The following OSBP2 variants were observed in gnomAD, a reference collection of about 807,000 sequenced individuals.
OSBP2 encodes oxysterol-binding protein 2.
In OSBP2, 66 loss-of-function variants were observed where a neutral mutation model predicts 96.0. The observed-to-expected ratio is 0.69, with a 90% CI of 0.56 to 0.84. The LOEUF (loss-of-function observed/expected upper bound fraction) is 0.84. Among genes scored for constraint, OSBP2 ranks in the 40% least tolerant of loss-of-function variants. The pLI, the probability that OSBP2 is intolerant of heterozygous loss-of-function variation, is 0.00. For synonymous variants in OSBP2, 525 were observed against 520.9 expected (o/e 1.01, Z -0.11); for missense variants, 1,038 against 1,222.7 (o/e 0.85, Z 2.25).
At chr22:30,824,750 C>G (rs554946197) in intron 2 of OSBP2, among the ~76,000 whole-genome samples, 1 of 152,300 alleles carries the variant, frequency 6.6e-6, no homozygotes, top group South Asian at 2.1e-4. Context: ...GCATCATGCA[C>G]CTAAGCCCAT....
At chr22:30,720,456 G>T (rs868140939) in intron 1 of OSBP2, among the ~76,000 whole-genome samples, 1 of 152,146 alleles carries the variant, frequency 6.6e-6, no homozygotes, top group Non-Finnish European at 1.5e-5. Flanking sequence ...CCAAAGGGCC[G>T]CTCGAGTGTC....
At position 30,895,612 on chromosome 22, in the gene OSBP2, C is replaced by T. The variant is rs2040046584; in HGVS notation, c.2375+1611C>T. 3.3e-5 allele frequency among the ~76,000 whole-genome samples: 5 copies of T among 152,096 alleles called. 1 individual carries two copies. The South Asian group carries it at 1.0e-3, about 32-fold the overall frequency. On this transcript the variant is annotated intron_variant, in intron 12 of 13. Transcript: ENST00000332585. ...GGGGCCATATCCTTAGGCACGCAGCCTCGGAAGTTTTGCCACACAAAAACC... is the reference window on the plus strand; with the variant it reads ...GGGGCCATATCCTTAGGCACGCAGCTTCGGAAGTTTTGCCACACAAAAACC...
At chr22:30,695,955 T>G (rs1037310821) in intron 1 of OSBP2, among the ~76,000 whole-genome samples, 2 of 152,134 alleles carry the variant, frequency 1.3e-5, no homozygotes, top group Non-Finnish European at 2.9e-5. Context: ...GAGAGTCACC[T>G]TGTTCAGTCC....
chr22:30,794,053 T>C (rs1016242999), intron 2 of OSBP2, among the ~76,000 whole-genome samples: 1 of 152,094 alleles, frequency 6.6e-6, no homozygotes, highest in African/African-American at 2.4e-5. Flanking sequence ...TTTAAAATTA[T>C]TAAGCAAGCA....
chr22:30,863,914 T>G (rs895015799), intron 2 of OSBP2, among the ~76,000 whole-genome samples: 6 of 151,926 alleles, frequency 3.9e-5, no homozygotes, highest in African/African-American at 1.5e-4. Context: ...TCTGTGGACA[T>G]GCAGGAAATA....
intron 3 of OSBP2, among the ~76,000 whole-genome samples, chr22:30,880,772 G>A (rs1285740617): frequency 6.6e-6 from 1 of 152,206 alleles, no homozygotes; most frequent in Non-Finnish European, 1.5e-5. Flanking sequence ...AGCGATTAGA[G>A]TTTGTCCTCC....
chr22:30,822,160 A>G (rs1220927990), intron 2 of OSBP2, among the ~76,000 whole-genome samples: 1 of 152,198 alleles, frequency 6.6e-6, no homozygotes. Context: ...TCCTGGAATC[A>G]CCGTCAGGCC....
At chr22:30,783,939 G>A (rs185108275) in intron 2 of OSBP2, among the ~76,000 whole-genome samples, 9 of 152,300 alleles carry the variant, frequency 5.9e-5, no homozygotes, top group African/African-American at 1.9e-4. Flanking sequence ...ACTTGGGACC[G>A]TGTTACTTGA....
intron 3 of OSBP2, among the ~76,000 whole-genome samples, chr22:30,872,988 G>T (rs146817038): frequency 6.6e-6 from 1 of 152,306 alleles, no homozygotes; most frequent in Non-Finnish European, 1.5e-5. Flanking sequence ...TTAGGAGAAG[G>T]TGTTGGACCA....
intron 1 of OSBP2, among the ~76,000 whole-genome samples, chr22:30,729,394 T>C (rs2089707988): frequency 1.3e-5 from 2 of 152,298 alleles, no homozygotes; most frequent in South Asian, 2.1e-4. Context: ...ACCCAGCACT[T>C]TGGGAGGCCA....
intron 1 of OSBP2, among the ~76,000 whole-genome samples, chr22:30,724,847 T>A (rs972823963): frequency 6.6e-6 from 1 of 152,116 alleles, no homozygotes; most frequent in Admixed American, 6.6e-5. Flanking sequence ...CCCAGTGTGC[T>A]CCATGGAAAG....
At position 30,818,157 on chromosome 22, in the gene OSBP2, CA is replaced by C. The variant is rs1466207065; in HGVS notation, c.854-52269del. Among the ~76,000 whole-genome samples, 4 of 152,312 alleles carry C rather than the reference CA, an allele frequency of 2.6e-5. No homozygotes were observed. The East Asian group carries it at 7.7e-4, about 29-fold the overall frequency. The stretch of plus-strand genomic sequence containing the variant: ...AAGCAATCTGCTCATCTCGGCCTCC[CA>C]AAGTGCTGGGATTACAGACATGAGC... On this transcript the variant is annotated intron_variant, in intron 2 of 13. Coordinates refer to ENST00000332585, the MANE Select transcript of OSBP2 (RefSeq NM_030758.4).
At chr22:30,899,022 ATATAAAG>A (rs1049990184) in intron 12 of OSBP2, among the ~76,000 whole-genome samples, 5 of 152,118 alleles carry the variant, frequency 3.3e-5, no homozygotes, top group East Asian at 1.9e-4. Context: ...TTAATGTGAC[ATATAAAG>A]TATAAAGACA....
At chr22:30,853,436 T>C (rs1455039202) in intron 2 of OSBP2, among the ~76,000 whole-genome samples, 1 of 152,252 alleles carries the variant, frequency 6.6e-6, no homozygotes, top group Non-Finnish European at 1.5e-5. Flanking sequence ...TGGTGTTTCT[T>C]TTCCCAATCT....
intron 2 of OSBP2, among the ~76,000 whole-genome samples, chr22:30,808,984 A>G (rs942025208): frequency 1.3e-5 from 2 of 152,166 alleles, no homozygotes; most frequent in Middle Eastern, 3.2e-3. Flanking sequence ...AGACACACAC[A>G]CAGAGGAGAC....
At chr22:30,829,321 G>T (rs2146999371) in intron 2 of OSBP2, among the ~76,000 whole-genome samples, 1 of 152,280 alleles carries the variant, frequency 6.6e-6, no homozygotes, top group South Asian at 2.1e-4. Flanking sequence ...ACGGAGTCTT[G>T]CTCTGGAGTC....
At chr22:30,905,805 A>AGCCACC (rs201836388) in intron 12 of OSBP2, 32 bp from the exon 13 acceptor site, 66,739 of 1,608,100 alleles carry the variant, frequency 0.042, 1,631 homozygotes, top group Middle Eastern at 0.054. Flanking sequence ...CTCACACCGC[A>AGCCACC]GCCACCGCCA....
At position 30,896,160 on chromosome 22, in the gene OSBP2, C is replaced by T. The variant is rs571204387; in HGVS notation, c.2375+2159C>T. Among the ~76,000 whole-genome samples the T allele has an allele frequency of 2.0e-5, 3 of 151,808 alleles. No homozygotes were observed. The East Asian group carries it at 5.9e-4, about 30-fold the overall frequency. On this transcript the variant is annotated intron_variant, in intron 12 of 13. Coordinates refer to ENST00000332585, the MANE Select transcript of OSBP2 (RefSeq NM_030758.4). The stretch of plus-strand genomic sequence containing the variant: ...TCAGTCTTCCGAGTAGCTGAGATTA[C>T]AGGGGCATGCTACTGTGCTCGCCTA...
chr22:30,868,918 T>G (rs1303643730), intron 2 of OSBP2, among the ~76,000 whole-genome samples: 1 of 152,260 alleles, frequency 6.6e-6, no homozygotes, highest in African/African-American at 2.4e-5. Context: ...AAGTCTTATA[T>G]CTTGGGTTAC....
Sources: allele counts gnomAD v4.1 joint callset (sites outside exome capture counted in the v4.1 genomes callset), GRCh38; gene constraint gnomAD v4.1.1; transcripts MANE v1.5; gene names NCBI Gene and HGNC (gene_info 2026-07-23, HGNC 2026-07-21).